The following PCNX4 variants were observed in gnomAD, a reference collection of about 807,000 sequenced individuals.
The protein encoded by PCNX4 is pecanex 4, also known as pecanex-like protein 4.
Under a neutral mutation model 107.2 loss-of-function variants are expected in PCNX4, and 103 were observed. That is an observed-to-expected ratio of 0.96 (90% CI 0.82 to 1.13). PCNX4 has a LOEUF of 1.13. Ranked by LOEUF, PCNX4 falls within the 50% of genes most tolerant of loss-of-function variation. PCNX4 has a pLI of 0.00. For missense variants in PCNX4, 1,528 were observed against 1,379.4 expected, an observed-to-expected ratio of 1.11 and a Z score of -1.71; for synonymous variants, 541 against 481.7, an observed-to-expected ratio of 1.12 and a Z score of -1.61.
intron 1 of PCNX4, among the ~76,000 whole-genome samples, chr14:60,107,091 T>A (rs1433782066): frequency 6.6e-6 from 1 of 152,002 alleles, no homozygotes; most frequent in Non-Finnish European, 1.5e-5. Flanking sequence ...TTTAAAAAAA[T>A]AAAAAACAAG....
intron 10 of PCNX4, among the ~76,000 whole-genome samples, chr14:60,126,628 G>A (rs1362955781): frequency 6.6e-6 from 1 of 152,144 alleles, no homozygotes; most frequent in Non-Finnish European, 1.5e-5. Context: ...AACCCAGAAC[G>A]TAGGCTCTCT....
At chr14:60,129,109 G>A (rs1400748539) in intron 10 of PCNX4, among the ~76,000 whole-genome samples, 1 of 151,866 alleles carries the variant, frequency 6.6e-6, no homozygotes, top group Non-Finnish European at 1.5e-5. Flanking sequence ...CCAGCTACTC[G>A]GGCGCCTGTA....
chr14:60,109,500 G>A, intron 2 of PCNX4: 1 of 165,472 alleles, frequency 6.0e-6, no homozygotes. Flanking sequence ...GAGTGCAGTG[G>A]CACAATCTTG....
intron 1 of PCNX4, among the ~76,000 whole-genome samples, chr14:60,094,761 G>GAC (rs33935507): frequency 4.7e-5 from 5 of 107,032 alleles, no homozygotes; most frequent in Non-Finnish European, 7.9e-5. Context: ...TTGCTGTAGA[G>GAC]CCCCCCCCCA....
intron 1 of PCNX4, among the ~76,000 whole-genome samples, chr14:60,107,258 A>G (rs758463819): frequency 6.6e-6 from 1 of 152,050 alleles, no homozygotes; most frequent in South Asian, 2.1e-4. Flanking sequence ...GCATGTGCCT[A>G]TAGTCCCAGC....
In PCNX4 at chr14:60,107,824, C is replaced by T; in HGVS notation, c.186C>T (p.Tyr62=). The T allele has an allele frequency of 1.9e-6, 3 of 1,612,658 alleles. No homozygotes were observed. The highest frequency in any genetic ancestry group is 1.7e-6 in the Non-Finnish European group (2 of 1,179,740). The change falls in exon 2 of 11, where the codon TAC becomes TAT. Residue 62 remains tyrosine, a synonymous_variant. Coordinates refer to ENST00000406854, the MANE Select transcript of PCNX4 (RefSeq NM_001330177.2). The stretch of plus-strand genomic sequence containing the variant: ...GGGGTGGAGTCGGAACACTTTTATA[C>T]CAGTTAGGCATCCTGAAAGACTATT... ...WVWGGVGTLL[Y]QLGILKDYYT...
Position 60,118,337 on chromosome 14 carries a change from C to T in PCNX4, c.1587C>T (p.Ile529=). ...DTGLRLLLVG[I]IRDRLIQFIS... is the part of the protein sequence containing the mutation. ...TTTTTACATTTCTACAGGTTGGTATCATACGTGATCGTTTGATTCAGTTCA... is the reference window on the plus strand; with the variant it reads ...TTTTTACATTTCTACAGGTTGGTATTATACGTGATCGTTTGATTCAGTTCA... Residue 529 remains isoleucine (I), a synonymous_variant, in exon 7 of 11, where the codon ATC becomes ATT. Transcript: ENST00000406854. The T allele has an allele frequency of 6.2e-7, 1 of 1,608,130 alleles. No homozygotes were observed. The highest frequency in any genetic ancestry group is 8.5e-7 in the Non-Finnish European group (1 of 1,176,428).
chr14:60,095,459 G>A (rs565289143), intron 1 of PCNX4, among the ~76,000 whole-genome samples: 4 of 152,118 alleles, frequency 2.6e-5, no homozygotes, highest in African/African-American at 9.7e-5. Flanking sequence ...AAAATATAGG[G>A]GAGGTGTGTA....
At chr14:60,106,310 C>T (rs1895628013) in intron 1 of PCNX4, among the ~76,000 whole-genome samples, 1 of 152,148 alleles carries the variant, frequency 6.6e-6, no homozygotes, top group Non-Finnish European at 1.5e-5. Flanking sequence ...TACTTTAAAT[C>T]ATCTCTAGAT....
rs1896316203 is a variant in PCNX4, at chr14:60,142,333, A to T, written c.*8112A>T. 1.3e-5 allele frequency: 2 copies of T among 152,180 alleles called. No homozygotes were observed. Among genetic ancestry groups the T allele is most frequent in the South Asian group, 2.1e-4 (1 of 4,832 alleles). The allele number at this position is 152,180 out of a possible 1,614,324, so 9.4% of individuals were successfully genotyped here. ...AATTACCGATTGTGACTGAGGTCTC[A>T]TGTGGCTTACTGGTGAATCCAGTAG... On this transcript the variant is annotated 3_prime_UTR_variant, in exon 11 of 11. Transcript: ENST00000406854. The surrounding 1 kb of genome is among the most constrained non-coding windows in gnomAD (Gnocchi z 4.7).
Position 60,135,112 on chromosome 14 carries a change from G to A in PCNX4, c.*891G>A, listed in dbSNP as rs1896221709. The A allele has an allele frequency of 6.6e-6, 1 of 152,142 alleles. No homozygotes were observed. Among genetic ancestry groups the A allele is most frequent in the Non-Finnish European group, 1.5e-5 (1 of 68,020 alleles). The allele number at this position is 152,142 out of a possible 1,614,324, so 9.4% of individuals were successfully genotyped here. A position where few individuals can be genotyped will look rare whatever the true frequency, so the allele number is the denominator to read the frequency against. ...GCTTAGGAACGTTTTACAGATACAT[G>A]TAAGGGGGATTAATAATGAATCCAC... On this transcript the variant is annotated 3_prime_UTR_variant, in exon 11 of 11. Transcript: ENST00000406854.
rs76857848 is a variant in PCNX4, at chr14:60,122,848, C to T, written c.2047-1370C>T. 7.1e-3 allele frequency among the ~76,000 whole-genome samples: 1,079 copies of T among 152,184 alleles called. 9 individuals carry two copies. Among genetic ancestry groups the T allele is most frequent in the African/African-American group, 0.024 (1,013 of 41,526 alleles). On this transcript the variant is annotated intron_variant, in intron 8 of 10. Transcript: ENST00000406854. ...AGTAAGTGAATTTTTTGTACTAGCA[C>T]AGATTGGATAAAATCGCTAGTGACT...
Position 60,125,149 on chromosome 14 carries a change from G to T in PCNX4, c.2978G>T (p.Gly993Val). 1.2e-6 allele frequency: 2 copies of T among 1,612,640 alleles called. No homozygotes were observed. Among genetic ancestry groups the T allele is most frequent in the South Asian group, 2.2e-5 (2 of 90,956 alleles). ...FGIDNMAPSP[G>V]HILRVYGGVL... ...ATAGACAATATGGCTCCTAGTCCTG[G>T]TCATATATTGAGAGTTTACGGTGGT... Residue 993 changes from glycine to valine, a missense_variant, in exon 9 of 11, where the codon GGT becomes GTT. Transcript: ENST00000406854.
chr14:60,099,080 C>T (rs1292048354), intron 1 of PCNX4, among the ~76,000 whole-genome samples: 1 of 152,140 alleles, frequency 6.6e-6, no homozygotes, highest in Non-Finnish European at 1.5e-5. Context: ...TACTGGTACC[C>T]TCAACAGATA....
Position 60,114,824 on chromosome 14 carries a change from A to G in PCNX4, c.814A>G (p.Met272Val), listed in dbSNP as rs369564665. The change falls in exon 3 of 11, where the codon ATG becomes GTG. Residue 272 changes from methionine (M) to valine (V), a missense_variant. By Grantham distance (21) the Met-to-Val change is conservative (BLOSUM62 1). Transcript: ENST00000406854. ...PPPDALLLWA[M>V]EQVLEFGLGG... The stretch of plus-strand genomic sequence containing the variant: ...ACCCGATGCACTTCTCTTATGGGCA[A>G]TGGAGCAGGTTTTAGAGTTCGGCCT... 29 of 1,613,844 alleles carry G rather than the reference A, an allele frequency of 1.8e-5. No homozygotes were observed. The highest frequency in any genetic ancestry group is 2.2e-5 in the East Asian group (1 of 44,888).
intron 6 of PCNX4, 138 bp from the exon 7 acceptor site, chr14:60,118,187 CAAAA>C (rs1199733756): frequency 1.6e-6 from 2 of 1,221,644 alleles, no homozygotes; most frequent in South Asian, 2.4e-5. Flanking sequence ...AGAAAATTAA[CAAAA>C]AAATCAAAGA....
rs1566518972 is a variant in PCNX4 at position 60,125,220 on chromosome 14, G to A, written c.3049G>A (p.Glu1017Lys). The change falls in exon 9 of 11, where the codon GAA (glutamate) becomes AAA (lysine). Residue 1017 changes from glutamate (E) to lysine (K), a missense_variant. By Grantham distance (56) the Glu-to-Lys change is moderately conservative. Coordinates refer to ENST00000406854, the MANE Select transcript of PCNX4 (RefSeq NM_001330177.2). ...TTTGGACTGGCTCACAGAAAAGCCAGAACTGTTTCAACTAGCACTGAAAGC... is the reference window on the plus strand; with the variant it reads ...TTTGGACTGGCTCACAGAAAAGCCAAAACTGTTTCAACTAGCACTGAAAGC... Reference protein sequence around the residue: ...VALDWLTEKPELFQLALKAFR... With the variant: ...VALDWLTEKPKLFQLALKAFR... 6.3e-7 allele frequency: 1 copy of A among 1,595,212 alleles called. No individual in the cohort carries two copies. The highest frequency in any genetic ancestry group is 8.5e-7 in the Non-Finnish European group (1 of 1,172,532).
rs992362638 is a variant in PCNX4 at position 60,137,182 on chromosome 14, T to C, written c.*2961T>C. On this transcript the variant is annotated 3_prime_UTR_variant, in exon 11 of 11. Transcript: ENST00000406854. ...GAAACTTAGAGACCTGAGCTCAGCA[T>C]TTGGGCTGCTTTTCTTATAGGAGAC... 13 of 152,186 alleles carry C rather than the reference T, an allele frequency of 8.5e-5. No individual in the cohort carries two copies. The highest frequency in any genetic ancestry group is 3.1e-4 in the African/African-American group (13 of 41,462). The allele number at this position is 152,186 out of a possible 1,614,324, so 9.4% of individuals were successfully genotyped here.
At chr14:60,115,503 T>C in intron 4 of PCNX4, 42 bp downstream of exon 4, 1 of 1,497,580 alleles carries the variant, frequency 6.7e-7, no homozygotes, top group South Asian at 1.4e-5. Context: ...ACAAATCATA[T>C]CCTGGAAGTA....
Sources: allele counts gnomAD v4.1 joint callset (sites outside exome capture counted in the v4.1 genomes callset), GRCh38; gene constraint gnomAD v4.1.1; non-coding constraint Gnocchi (gnomAD v3.1); transcripts MANE v1.5; gene names NCBI Gene and HGNC (gene_info 2026-07-23, HGNC 2026-07-21).